PTPRT: variants seen among roughly 807,000 people sequenced by gnomAD.
The protein encoded by PTPRT is receptor-type tyrosine-protein phosphatase T.
A neutral mutation model predicts 176.8 loss-of-function variants in PTPRT; 56 were observed. That is an observed-to-expected ratio of 0.32 (90% CI 0.26 to 0.40). The LOEUF (loss-of-function observed/expected upper bound fraction) is 0.40, where lower values mean the gene tolerates loss of function less well. Among genes scored for constraint, PTPRT ranks in the 10% least tolerant of loss-of-function variants. The pLI is 1.00. For synonymous variants in PTPRT, 783 were observed against 739.0 expected (o/e 1.06, Z -0.96); for missense variants, 1,540 against 1,908.2 (o/e 0.81, Z 3.60).
At chr20:42,298,918 C>G (rs1397468727) in intron 12 of PTPRT, among the ~76,000 whole-genome samples, 1 of 151,238 alleles carries the variant, frequency 6.6e-6, no homozygotes. Flanking sequence ...AAGACTCTGT[C>G]TCAAAAAAAC....
intron 1 of PTPRT, among the ~76,000 whole-genome samples, chr20:43,105,832 A>G (rs1489698502): frequency 1.3e-5 from 2 of 152,190 alleles, no homozygotes; most frequent in Admixed American, 6.5e-5. Context: ...CAGGATTTCA[A>G]TTATAGTTGG....
At chr20:42,122,381 A>C (rs1457145426) in intron 19 of PTPRT, among the ~76,000 whole-genome samples, 3 of 152,172 alleles carry the variant, frequency 2.0e-5, no homozygotes, top group Admixed American at 6.5e-5. Context: ...CTCAGGGGAC[A>C]CTGGGATGAT....
chr20:42,498,231 C>G (rs2071688919), intron 7 of PTPRT, among the ~76,000 whole-genome samples: 1 of 152,130 alleles, frequency 6.6e-6, no homozygotes, highest in Non-Finnish European at 1.5e-5. Context: ...GCCCCCCAGT[C>G]AACTGAACAG....
Position 43,004,292 on chromosome 20 carries a change from A to G in PTPRT, c.89-118360T>C, listed in dbSNP as rs2294590. 4.8e-3 allele frequency among the ~76,000 whole-genome samples: 731 copies of G among 152,290 alleles called. 8 individuals are homozygous for G. The highest frequency in any genetic ancestry group is 0.038 in the East Asian group (198 of 5,180). Reference sequence around the variant, plus strand: ...AGACAATGGATGAAGGATATTAATCACTTCACAAAAGAAAAGCAAATGATC... The same window carrying G: ...AGACAATGGATGAAGGATATTAATCGCTTCACAAAAGAAAAGCAAATGATC... On this transcript the variant is annotated intron_variant, in intron 1 of 30. Coordinates refer to ENST00000373187, the MANE Select transcript of PTPRT (RefSeq NM_007050.6).
intron 9 of PTPRT, among the ~76,000 whole-genome samples, chr20:42,397,383 C>T (rs2058861661): frequency 6.6e-6 from 1 of 152,110 alleles, no homozygotes; most frequent in Admixed American, 6.6e-5. Flanking sequence ...GGGTTGGATA[C>T]CAATGAATCT....
At chr20:42,051,445 T>C in the PTPRT span, among the ~76,000 whole-genome samples, 134 of 152,340 alleles carry the variant, frequency 8.8e-4, no homozygotes, top group South Asian at 3.9e-3. Flanking sequence ...AGTTCGCTCC[T>C]GCTTTGTTTT....
chr20:42,293,377 T>G (rs1347631457), intron 12 of PTPRT, among the ~76,000 whole-genome samples: 2 of 152,160 alleles, frequency 1.3e-5, no homozygotes, highest in Non-Finnish European at 2.9e-5. Context: ...CAACTGACCA[T>G]TCCCTCCTTG....
chr20:42,728,421 G>A (rs142748853), intron 6 of PTPRT, among the ~76,000 whole-genome samples: 63 of 152,264 alleles, frequency 4.1e-4, no homozygotes, highest in African/African-American at 1.4e-3. Context: ...TGCAAGGGGG[G>A]AGAGGTAAGG....
chr20:42,315,167 A>AGAGC (rs2057699637), intron 12 of PTPRT, among the ~76,000 whole-genome samples: 1 of 63,674 alleles, frequency 1.6e-5, no homozygotes, highest in African/African-American at 6.2e-5. Context: ...CCTGGGCGAC[A>AGAGC]GAGCGAGGCT....
the PTPRT span, among the ~76,000 whole-genome samples, chr20:42,044,709 C>A: frequency 6.6e-6 from 1 of 152,190 alleles, no homozygotes; most frequent in African/African-American, 2.4e-5. Flanking sequence ...AGAAGAAACC[C>A]AATGAGAGAG....
At position 42,227,659 on chromosome 20, in the gene PTPRT, G is replaced by A. The variant is rs2056049206; in HGVS notation, c.2342+8570C>T. Among the ~76,000 whole-genome samples, 3 of 135,286 alleles carry A rather than the reference G, an allele frequency of 2.2e-5. No homozygotes were observed. The Admixed American group carries it at 2.5e-4, about 11-fold the overall frequency. The allele number at this position is 135,286 out of a possible 152,430, so 88.8% of individuals were successfully genotyped here. On this transcript the variant is annotated intron_variant, in intron 15 of 30. Transcript: ENST00000373187. ...GTTCACTCTTGTTGCCCAAGCTGGA[G>A]TGCAATGGTATGATCTCAGTTCATT... is the stretch of plus-strand genomic sequence containing the variant.
chr20:42,769,564 GTTCTT>G (rs538377645), intron 5 of PTPRT, among the ~76,000 whole-genome samples: 4 of 152,106 alleles, frequency 2.6e-5, no homozygotes, highest in Non-Finnish European at 5.9e-5. Flanking sequence ...ACAGCTCGTT[GTTCTT>G]TAAAGTTAAA....
intron 9 of PTPRT, among the ~76,000 whole-genome samples, chr20:42,446,983 T>C (rs1601040824): frequency 6.6e-6 from 1 of 152,196 alleles, no homozygotes; most frequent in Non-Finnish European, 1.5e-5. Flanking sequence ...AAGCACCTTG[T>C]ACATGTTGGA....
intron 9 of PTPRT, among the ~76,000 whole-genome samples, chr20:42,444,724 AT>A (rs1568885016): frequency 6.6e-6 from 1 of 152,104 alleles, no homozygotes; most frequent in Non-Finnish European, 1.5e-5. Flanking sequence ...AAAATATTCT[AT>A]TTTGAGGCCA....
At chr20:42,986,487 A>G (rs893026679) in intron 1 of PTPRT, among the ~76,000 whole-genome samples, 3 of 152,182 alleles carry the variant, frequency 2.0e-5, no homozygotes, top group African/African-American at 7.2e-5. Context: ...TGTGGAATCC[A>G]ACTCCAGCAT....
intron 1 of PTPRT, 43 bp from the exon 2 acceptor site, chr20:42,885,975 AGGCTTGGTTCGT>A: frequency 6.6e-7 from 1 of 1,525,662 alleles, no homozygotes; most frequent in Admixed American, 1.8e-5. Context: ...CCCGTGTCTG[AGGCTTGGTTCGT>A]TACCTCTGTC....
intron 7 of PTPRT, among the ~76,000 whole-genome samples, chr20:42,592,389 A>G (rs150588980): frequency 5.9e-5 from 9 of 152,292 alleles, no homozygotes; most frequent in African/African-American, 2.2e-4. Flanking sequence ...GGTACATTGC[A>G]TAGATGAACA....
chr20:43,122,348 C>T (rs1041690490), intron 1 of PTPRT, among the ~76,000 whole-genome samples: 2 of 152,192 alleles, frequency 1.3e-5, no homozygotes, highest in African/African-American at 4.8e-5. Flanking sequence ...CACACAGAGC[C>T]ATGCCGCTGT....
intron 1 of PTPRT, among the ~76,000 whole-genome samples, chr20:42,931,932 T>TC (rs537397313): frequency 3.9e-5 from 6 of 152,296 alleles, no homozygotes; most frequent in African/African-American, 1.4e-4. Context: ...CTAAAACTCA[T>TC]CCTGTCAACA....
Sources: gnomAD v4.1 joint callset for allele counts (sites outside exome capture counted in the v4.1 genomes callset) on GRCh38, gnomAD v4.1.1 for gene constraint, MANE v1.5 for transcripts, NCBI Gene and HGNC (gene_info 2026-07-23, HGNC 2026-07-21) for gene names.